GABRB2: variants seen among roughly 807,000 people sequenced by gnomAD.
GABRB2 encodes gamma-aminobutyric acid receptor subunit beta-2.
GABRB2 carries 16 observed loss-of-function variants against 54.7 expected under a neutral mutation model. That is an observed-to-expected ratio of 0.29 (90% CI 0.20 to 0.44). The LOEUF is 0.44. Ranked by LOEUF, GABRB2 falls within the 20% of genes least tolerant of loss-of-function variation. The pLI is 1.00. For synonymous variants in GABRB2, 244 were observed against 233.8 expected (o/e 1.04, Z -0.40); for missense variants, 355 against 644.0 (o/e 0.55, Z 4.86).
chr5:161,396,607 C>T (rs1001781771), intron 5 of GABRB2, among the ~76,000 whole-genome samples: 1 of 152,098 alleles, frequency 6.6e-6, no homozygotes, highest in Non-Finnish European at 1.5e-5. Context: ...TTATCAGCTA[C>T]AGGATGCCTG....
At chr5:161,366,829 C>T (rs1029943189) in intron 5 of GABRB2, among the ~76,000 whole-genome samples, 1 of 152,032 alleles carries the variant, frequency 6.6e-6, no homozygotes, top group Admixed American at 6.6e-5. Context: ...CCCCTGTAAT[C>T]GCAGCTACTC....
intron 3 of GABRB2, among the ~76,000 whole-genome samples, chr5:161,515,914 T>G (rs1430312962): frequency 2.0e-5 from 3 of 152,086 alleles, no homozygotes; most frequent in Non-Finnish European, 4.4e-5. Flanking sequence ...TGTGAAGAAG[T>G]CAGAGGCACT....
At chr5:161,378,768 C>T (rs1163407390) in intron 5 of GABRB2, among the ~76,000 whole-genome samples, 1 of 152,074 alleles carries the variant, frequency 6.6e-6, no homozygotes, top group Non-Finnish European at 1.5e-5. Context: ...CGAAATGTCT[C>T]AATAACACAA....
intron 4 of GABRB2, among the ~76,000 whole-genome samples, chr5:161,443,296 T>C (rs1757519484): frequency 6.6e-6 from 1 of 152,144 alleles, no homozygotes. Context: ...CAATAATAAT[T>C]TCAACAACAA....
intron 9 of GABRB2, among the ~76,000 whole-genome samples, chr5:161,312,715 G>A (rs1355494347): frequency 2.0e-5 from 3 of 152,170 alleles, no homozygotes; most frequent in Admixed American, 6.5e-5. Context: ...GCATCGAGTC[G>A]TTTTGGAAAT....
intron 5 of GABRB2, among the ~76,000 whole-genome samples, chr5:161,357,519 CAAA>C (rs11423363): frequency 1.4e-5 from 2 of 140,824 alleles, no homozygotes; most frequent in African/African-American, 2.6e-5. Flanking sequence ...GAGTTTTGAG[CAAA>C]AAAAAAAAAA....
rs983914570 is a variant in GABRB2 at position 161,383,098 on chromosome 5, T to A, written c.541+27877A>T. 2.0e-5 allele frequency among the ~76,000 whole-genome samples: 3 copies of A among 152,242 alleles called. No homozygotes were observed. The South Asian group carries it at 6.2e-4, about 32-fold the overall frequency. ...AATTGACAAGTAAAGATTGCATATA[T>A]TCAAGCTGTACAACATAATGAGTTG... On this transcript the variant is annotated intron_variant, in intron 5 of 9. Coordinates refer to ENST00000393959, the MANE Select transcript of GABRB2 (RefSeq NM_001371727.1).
At chr5:161,335,770 G>A (rs1288326534) in intron 6 of GABRB2, among the ~76,000 whole-genome samples, 1 of 152,076 alleles carries the variant, frequency 6.6e-6, no homozygotes, top group Non-Finnish European at 1.5e-5. Context: ...TCAAACTTAG[G>A]AAAAGTTTCT....
chr5:161,383,257 C>T (rs929380328), intron 5 of GABRB2, among the ~76,000 whole-genome samples: 2 of 152,082 alleles, frequency 1.3e-5, no homozygotes, highest in African/African-American at 4.8e-5. Context: ...ATCAACATGT[C>T]TTCATTTCCT....
chr5:161,324,387 A>C (rs933481617), intron 9 of GABRB2, among the ~76,000 whole-genome samples: 1 of 152,120 alleles, frequency 6.6e-6, no homozygotes, highest in African/African-American at 2.4e-5. Flanking sequence ...AATCCCTGGC[A>C]CCATCTCCAG....
intron 5 of GABRB2, among the ~76,000 whole-genome samples, chr5:161,353,404 A>G (rs1456996618): frequency 6.6e-6 from 1 of 152,084 alleles, no homozygotes; most frequent in Non-Finnish European, 1.5e-5. Context: ...ACCAGTTGAG[A>G]ATGGGGAAGC....
chr5:161,528,393 A>T (rs998413826), intron 3 of GABRB2, among the ~76,000 whole-genome samples: 1 of 151,818 alleles, frequency 6.6e-6, no homozygotes, highest in Non-Finnish European at 1.5e-5. Context: ...ATATGCCAGA[A>T]TATTAAGAAA....
intron 5 of GABRB2, among the ~76,000 whole-genome samples, chr5:161,380,273 T>C (rs1755425210): frequency 6.6e-6 from 1 of 152,144 alleles, no homozygotes; most frequent in South Asian, 2.1e-4. Context: ...ACAATTTCCT[T>C]CTATAAAATT....
intron 3 of GABRB2, among the ~76,000 whole-genome samples, chr5:161,479,849 A>C (rs778760944): frequency 2.0e-5 from 3 of 151,950 alleles, no homozygotes; most frequent in Non-Finnish European, 4.4e-5. Context: ...CAGCCTCCTA[A>C]AGTACTGGGA....
chr5:161,320,019 G>C (rs1055846960), intron 9 of GABRB2, among the ~76,000 whole-genome samples: 1 of 150,822 alleles, frequency 6.6e-6, no homozygotes, highest in Non-Finnish European at 1.5e-5. Context: ...AAAAATTACT[G>C]CTTTGGTATA....
At chr5:161,513,850 C>T (rs1443797150) in intron 3 of GABRB2, among the ~76,000 whole-genome samples, 8 of 152,062 alleles carry the variant, frequency 5.3e-5, no homozygotes, top group Non-Finnish European at 1.2e-4. Flanking sequence ...AAAAACTCCA[C>T]AACTGACAGT....
At chr5:161,531,324 C>T (rs1383294596) in intron 3 of GABRB2, among the ~76,000 whole-genome samples, 1 of 152,030 alleles carries the variant, frequency 6.6e-6, no homozygotes, top group Non-Finnish European at 1.5e-5. Context: ...AATTCTATAT[C>T]CTCACAGAAA....
chr5:161,467,383 G>C (rs181064436), intron 3 of GABRB2, among the ~76,000 whole-genome samples: 25 of 152,148 alleles, frequency 1.6e-4, no homozygotes, highest in African/African-American at 5.1e-4. Flanking sequence ...TTGAGGTTTT[G>C]AGCTGAGGAT....
intron 5 of GABRB2, among the ~76,000 whole-genome samples, chr5:161,341,937 T>TTATA (rs1237952955): frequency 0.087 from 6,522 of 75,264 alleles, 219 homozygotes; most frequent in Middle Eastern, 0.12. Flanking sequence ...ATTTTTTCTT[T>TTATA]TATATATATA....
Sources: gnomAD v4.1 joint callset for allele counts (sites outside exome capture counted in the v4.1 genomes callset) on GRCh38, gnomAD v4.1.1 for gene constraint, MANE v1.5 for transcripts, NCBI Gene and HGNC (gene_info 2026-07-23, HGNC 2026-07-21) for gene names.